The following CRB1 variants were observed in gnomAD, a reference collection of about 807,000 sequenced individuals.
The protein encoded by CRB1 is protein crumbs homolog 1.
In CRB1, 83 loss-of-function variants were observed where a neutral mutation model predicts 120.0. That is an observed-to-expected ratio of 0.69 (90% CI 0.58 to 0.83). The LOEUF (loss-of-function observed/expected upper bound fraction) is 0.83, where lower values mean the gene tolerates loss of function less well. Ranked by LOEUF, CRB1 falls within the 40% of genes least tolerant of loss-of-function variation. The pLI is 0.00. For missense variants in CRB1, 1,699 were observed against 1,687.6 expected (o/e 1.01, Z -0.12); for synonymous variants, 625 against 612.5 (o/e 1.02, Z -0.30).
the CRB1 span, among the ~76,000 whole-genome samples, chr1:197,239,115 A>C: frequency 1.3e-5 from 2 of 152,004 alleles, no homozygotes; most frequent in Non-Finnish European, 2.9e-5. Flanking sequence ...TAAATTTATT[A>C]AGTTTTTTTA....
At chr1:197,388,845 G>C (rs1571451309) in intron 5 of CRB1, among the ~76,000 whole-genome samples, 1 of 151,876 alleles carries the variant, frequency 6.6e-6, no homozygotes, top group East Asian at 1.9e-4. Context: ...ATTTAGAAAG[G>C]ACAATGGCAG....
intron 5 of CRB1, chr1:197,357,488 T>TC (rs58697695): frequency 1.3e-4 from 27 of 208,862 alleles, no homozygotes; most frequent in African/African-American, 6.1e-4. Flanking sequence ...TCTTTTTTTT[T>TC]CACAACTTGC....
At chr1:197,268,144 G>A (rs1044213887), upstream of CRB1, 1 of 432,274 alleles carries the variant, frequency 2.3e-6, no homozygotes, top group African/African-American at 2.0e-5. Context: ...AAGGCTTGAG[G>A]GGGGAATGAA....
At chr1:197,432,532 T>C (rs1374633796) in intron 8 of CRB1, among the ~76,000 whole-genome samples, 1 of 152,070 alleles carries the variant, frequency 6.6e-6, no homozygotes, top group Non-Finnish European at 1.5e-5. Flanking sequence ...GGATACAGGA[T>C]GGAGTTATTT....
intron 1 of CRB1, among the ~76,000 whole-genome samples, chr1:197,297,252 T>G (rs1217454640): frequency 6.6e-6 from 1 of 151,978 alleles, no homozygotes; most frequent in Non-Finnish European, 1.5e-5. Flanking sequence ...AATGATTTTC[T>G]TCATGTTGAT....
chr1:197,449,657 C>A (rs982412898), intron 11 of CRB1, among the ~76,000 whole-genome samples: 1 of 152,238 alleles, frequency 6.6e-6, no homozygotes, highest in Non-Finnish European at 1.5e-5. Context: ...TGAGCCACCA[C>A]GCCTGGCCCA....
chr1:197,261,951 G>C, the CRB1 span, among the ~76,000 whole-genome samples: 1 of 152,042 alleles, frequency 6.6e-6, no homozygotes, highest in Admixed American at 6.5e-5. Flanking sequence ...ATATAGAGTT[G>C]GTATTGAGCT....
chr1:197,238,406 TA>T, the CRB1 span, among the ~76,000 whole-genome samples: 2 of 152,346 alleles, frequency 1.3e-5, no homozygotes, highest in African/African-American at 4.8e-5. Flanking sequence ...TTGTAGACAA[TA>T]TTGCTTTGAT....
the CRB1 span, among the ~76,000 whole-genome samples, chr1:197,221,600 A>G: frequency 1.3e-5 from 2 of 152,380 alleles, no homozygotes; most frequent in South Asian, 2.1e-4. Flanking sequence ...AATTTAAAAA[A>G]TAAAGACATT....
At chr1:197,344,739 A>G (rs1401902351) in intron 3 of CRB1, among the ~76,000 whole-genome samples, 3 of 152,188 alleles carry the variant, frequency 2.0e-5, no homozygotes, top group Non-Finnish European at 4.4e-5. Flanking sequence ...TTTCAATTCC[A>G]TGAAATAAAG....
Position 197,328,954 on chromosome 1 carries a change from C to T in CRB1, c.603C>T (p.Cys201=), listed in dbSNP as rs763908215. Reference sequence around the variant, plus strand: ...ATCCCTGCAAGAACGAGGCTACATGCCTCAATGAAATAGGAAGATATACTT... The same window carrying T: ...ATCCCTGCAAGAACGAGGCTACATGTCTCAATGAAATAGGAAGATATACTT... ...ASDPCKNEAT[C]LNEIGRYTCI... The change falls in exon 2 of 12, where the codon TGC becomes TGT. Residue 201 remains cysteine, a synonymous_variant. Coordinates refer to ENST00000367400, the MANE Select transcript of CRB1 (RefSeq NM_201253.3). 7 of 1,614,000 alleles carry T rather than the reference C, an allele frequency of 4.3e-6. No individual in the cohort carries two copies. The highest frequency in any genetic ancestry group is 5.1e-6 in the Non-Finnish European group (6 of 1,180,048).
chr1:197,266,475 A>G (rs1467659398), upstream of CRB1, among the ~76,000 whole-genome samples: 1 of 152,166 alleles, frequency 6.6e-6, no homozygotes, highest in Non-Finnish European at 1.5e-5. Flanking sequence ...AGGTTTCAAC[A>G]TGTGAATTTG....
At chr1:197,339,236 G>A (rs996773067) in intron 2 of CRB1, among the ~76,000 whole-genome samples, 2 of 152,144 alleles carry the variant, frequency 1.3e-5, no homozygotes, top group African/African-American at 2.4e-5. Context: ...ATCAGAGCAG[G>A]AAGTCATCCA....
chr1:197,270,449 A>G (rs1417994443), intron 1 of CRB1, among the ~76,000 whole-genome samples: 1 of 152,182 alleles, frequency 6.6e-6, no homozygotes, highest in Admixed American at 6.6e-5. Flanking sequence ...CTATAATTTA[A>G]TTAGCTCTTC....
the CRB1 span, among the ~76,000 whole-genome samples, chr1:197,234,122 G>T: frequency 6.6e-6 from 1 of 152,322 alleles, no homozygotes; most frequent in South Asian, 2.1e-4. Context: ...TGAGCATATG[G>T]TATGAAGATA....
At position 197,404,417 on chromosome 1, in the gene CRB1, G is replaced by A. The variant is rs558525061; in HGVS notation, c.1172-16583G>A. ...AGATCCCGCCACTGCACTCCAGCCT[G>A]GGCGACAGAGCGAGACTCCGTCTCA... is the stretch of plus-strand genomic sequence containing the variant. On this transcript the variant is annotated intron_variant, in intron 5 of 11. Transcript: ENST00000367400. 5.8e-4 allele frequency among the ~76,000 whole-genome samples: 80 copies of A among 139,094 alleles called. No homozygotes were observed. In the Middle Eastern group the frequency reaches 0.013, roughly 23 times the overall value. The allele number at this position is 139,094 out of a possible 152,430, so 91.3% of individuals were successfully genotyped here. A position where few individuals can be genotyped will look rare whatever the true frequency, so the allele number is the denominator to read the frequency against.
intron 1 of CRB1, among the ~76,000 whole-genome samples, chr1:197,270,803 C>T (rs1474308073): frequency 6.6e-6 from 1 of 152,154 alleles, no homozygotes; most frequent in Non-Finnish European, 1.5e-5. Flanking sequence ...GGGCTCTTAG[C>T]TTGCATGTAG....
At chr1:197,446,792 A>T (rs1558147396) in intron 11 of CRB1, among the ~76,000 whole-genome samples, 1 of 152,154 alleles carries the variant, frequency 6.6e-6, no homozygotes, top group Admixed American at 6.5e-5. Context: ...TAAGGGGGTG[A>T]TAACTTAAAT....
chr1:197,408,124 TA>T (rs1051156366), intron 5 of CRB1, among the ~76,000 whole-genome samples: 1 of 151,828 alleles, frequency 6.6e-6, no homozygotes, highest in Non-Finnish European at 1.5e-5. Flanking sequence ...TCACAAATAT[TA>T]AAAAAAAGAA....
Sources: gnomAD v4.1 joint callset for allele counts (sites outside exome capture counted in the v4.1 genomes callset) on GRCh38, gnomAD v4.1.1 for gene constraint, MANE v1.5 for transcripts, NCBI Gene and HGNC (gene_info 2026-07-23, HGNC 2026-07-21) for gene names.